The following PTPRD variants were observed in gnomAD, a reference collection of about 807,000 sequenced individuals.
PTPRD encodes protein tyrosine phosphatase receptor type D, also known as receptor-type tyrosine-protein phosphatase delta.
A neutral mutation model predicts 214.5 loss-of-function variants in PTPRD; 34 were observed. That is an observed-to-expected ratio of 0.16 (90% CI 0.12 to 0.21). The LOEUF (loss-of-function observed/expected upper bound fraction) is 0.21, where lower values mean the gene tolerates loss of function less well. Among genes scored for constraint, PTPRD ranks in the 10% least tolerant of loss-of-function variants. PTPRD has a pLI of 1.00. For missense variants in PTPRD, 2,545 were observed against 2,398.7 expected (o/e 1.06, Z -1.27); for synonymous variants, 1,128 against 845.7 (o/e 1.33, Z -5.79).
At chr9:9,849,531 T>C in intron 5 of PTPRD, among the ~76,000 whole-genome samples, 1 of 152,070 alleles carries the variant, frequency 6.6e-6, no homozygotes, top group East Asian at 1.9e-4. Flanking sequence ...TTCCAAGTTT[T>C]GAAAAGAATG....
chr9:8,566,098 A>ATG (rs1491211691), intron 14 of PTPRD, among the ~76,000 whole-genome samples: 9 of 46,234 alleles, frequency 1.9e-4, no homozygotes, highest in South Asian at 8.2e-4. Flanking sequence ...TGAATGCAAA[A>ATG]TATGTGTGTG....
At chr9:10,101,807 T>A (rs1416610611) in intron 3 of PTPRD, among the ~76,000 whole-genome samples, 1 of 151,652 alleles carries the variant, frequency 6.6e-6, no homozygotes, top group African/African-American at 2.4e-5. Context: ...ACAGCTGCGG[T>A]ATATTAGAGG....
intron 9 of PTPRD, among the ~76,000 whole-genome samples, chr9:9,226,547 A>G (rs973440850): frequency 8.6e-5 from 13 of 151,884 alleles, no homozygotes; most frequent in African/African-American, 3.1e-4. Context: ...ATAAAAATGG[A>G]GGTTAAAAAT....
At chr9:9,613,707 G>A (rs1008496334) in intron 7 of PTPRD, among the ~76,000 whole-genome samples, 2 of 152,138 alleles carry the variant, frequency 1.3e-5, no homozygotes, top group African/African-American at 4.8e-5. Context: ...TGGACTAGTA[G>A]CATGGGCACC....
chr9:9,875,054 T>C (rs186638788), intron 5 of PTPRD, among the ~76,000 whole-genome samples: 3 of 152,256 alleles, frequency 2.0e-5, no homozygotes, highest in East Asian at 3.9e-4. Flanking sequence ...GTGAACACAA[T>C]GGATAAGTTT....
chr9:10,569,669 C>T (rs2066823187), intron 2 of PTPRD, among the ~76,000 whole-genome samples: 2 of 152,144 alleles, frequency 1.3e-5, no homozygotes, highest in East Asian at 1.9e-4. Flanking sequence ...CTATAATCCA[C>T]TTTTTCTTAA....
intron 2 of PTPRD, among the ~76,000 whole-genome samples, chr9:10,480,153 T>C (rs2099088677): frequency 6.6e-6 from 1 of 151,976 alleles, no homozygotes. Context: ...GAAGATAAAT[T>C]CAACCCCATG....
intron 9 of PTPRD, among the ~76,000 whole-genome samples, chr9:9,351,619 GC>G (rs1361595710): frequency 1.3e-5 from 2 of 152,070 alleles, no homozygotes; most frequent in East Asian, 1.9e-4. Flanking sequence ...AAACCAAGAA[GC>G]CTTGGAAAGA....
chr9:8,645,982 T>C (rs1177456687), intron 12 of PTPRD, among the ~76,000 whole-genome samples: 1 of 151,650 alleles, frequency 6.6e-6, no homozygotes, highest in Non-Finnish European at 1.5e-5. Context: ...ATATGTCTTA[T>C]CCCTCTTTTT....
intron 2 of PTPRD, among the ~76,000 whole-genome samples, chr9:10,345,732 C>T (rs1256490806): frequency 6.6e-6 from 1 of 152,136 alleles, no homozygotes. Flanking sequence ...CATACGTGTG[C>T]ATATGTCTTT....
chr9:8,509,507 T>C (rs1191975658), intron 21 of PTPRD, among the ~76,000 whole-genome samples: 2 of 152,196 alleles, frequency 1.3e-5, no homozygotes, highest in Admixed American at 6.5e-5. Flanking sequence ...CAAACCGGAC[T>C]ACAGTATGGT....
chr9:8,384,174 T>A lies in PTPRD; in HGVS notation c.4386+5058A>T, dbSNP rs573653450. ...GCCCCAGTCATCAAAAATAATATCCTTGGAGTGGAAATCCCAGCTGTATAC... is the reference window on the plus strand; with the variant it reads ...GCCCCAGTCATCAAAAATAATATCCATGGAGTGGAAATCCCAGCTGTATAC... On this transcript the variant is annotated intron_variant, in intron 37 of 45. Coordinates refer to ENST00000381196, the MANE Select transcript of PTPRD (RefSeq NM_002839.4). 2.0e-3 allele frequency among the ~76,000 whole-genome samples: 299 copies of A among 152,182 alleles called. 6 individuals are homozygous for A. The highest frequency in any genetic ancestry group is 2.0e-3 in the Non-Finnish European group (135 of 67,998).
At chr9:10,106,013 C>CAA (rs35421883) in intron 3 of PTPRD, among the ~76,000 whole-genome samples, 1,024 of 56,662 alleles carry the variant, frequency 0.018, 19 homozygotes, top group Middle Eastern at 0.027. Flanking sequence ...ATCACATATT[C>CAA]AAAAAAAAAA....
chr9:10,022,540 G>A (rs533335417), intron 4 of PTPRD, among the ~76,000 whole-genome samples: 11 of 152,084 alleles, frequency 7.2e-5, no homozygotes, highest in South Asian at 2.1e-4. Context: ...GAAAGTAATG[G>A]CATTACATTT....
intron 5 of PTPRD, among the ~76,000 whole-genome samples, chr9:9,837,857 C>G (rs191465778): frequency 6.6e-6 from 1 of 151,976 alleles, no homozygotes; most frequent in Non-Finnish European, 1.5e-5. Context: ...CATGTTGGTG[C>G]GCTGCACCCA....
At chr9:9,326,928 C>T (rs1023883278) in intron 9 of PTPRD, among the ~76,000 whole-genome samples, 2 of 152,098 alleles carry the variant, frequency 1.3e-5, no homozygotes, top group African/African-American at 4.8e-5. Context: ...TGTATCAAAG[C>T]CTGTCACCAA....
chr9:8,641,971 T>C (rs771723794), intron 12 of PTPRD, among the ~76,000 whole-genome samples: 2 of 152,196 alleles, frequency 1.3e-5, no homozygotes, highest in Non-Finnish European at 2.9e-5. Flanking sequence ...ACTGCTTTTG[T>C]CTGTCCTTAA....
At chr9:9,501,849 T>G (rs62533236) in intron 8 of PTPRD, among the ~76,000 whole-genome samples, 16 of 151,964 alleles carry the variant, frequency 1.1e-4, no homozygotes, top group African/African-American at 3.6e-4. Flanking sequence ...TTAGAAAATA[T>G]AGTAAACGGA....
intron 11 of PTPRD, among the ~76,000 whole-genome samples, chr9:8,761,934 C>T (rs1598992271): frequency 6.6e-6 from 1 of 152,222 alleles, no homozygotes; most frequent in Non-Finnish European, 1.5e-5. Flanking sequence ...AAACCAAGGT[C>T]CCTAAGGCAC....
Sources: gnomAD v4.1 joint callset for allele counts (sites outside exome capture counted in the v4.1 genomes callset) on GRCh38, gnomAD v4.1.1 for gene constraint, MANE v1.5 for transcripts, NCBI Gene and HGNC (gene_info 2026-07-23, HGNC 2026-07-21) for gene names.